The following RPL28 variants were observed in gnomAD, a reference collection of about 807,000 sequenced individuals.
RPL28 encodes ribosomal protein L28.
Under a neutral mutation model 12.5 loss-of-function variants are expected in RPL28, and 4 were observed. The ratio of observed to expected loss-of-function variants is 0.32; its 90% confidence interval spans 0.16 to 0.73. The LOEUF is 0.73. RPL28 is among the 30% of genes least tolerant of loss of function. The pLI is 0.66. For synonymous variants in RPL28, 91 were observed against 72.5 expected (o/e 1.26, Z -1.30); for missense variants, 214 against 197.7 (o/e 1.08, Z -0.49).
chr19:55,395,607 C>G (rs973092156), downstream of RPL28, among the ~76,000 whole-genome samples: 1 of 151,944 alleles, frequency 6.6e-6, no homozygotes, highest in Non-Finnish European at 1.5e-5. Context: ...CCACACCCGG[C>G]TAATTTTTTG....
chr19:55,390,461 T>A lies in RPL28; in HGVS notation c.*2129T>A, dbSNP rs2089979828. 1 of 985,422 alleles carries A rather than the reference T, an allele frequency of 1.0e-6. No individual in the cohort carries two copies. The allele number at this position is 985,422 out of a possible 1,614,324, so 61.0% of individuals were successfully genotyped here. On this transcript the variant is annotated 3_prime_UTR_variant, in exon 5 of 5. Transcript: ENST00000344063. ...TTCAAATTACCCACCTGCCTCAGCC[T>A]CCCAAAGTGCTGGCATTACAGGCGC...
At chr19:55,397,890 A>G (rs1018696966) in intron 4 of RPL28, among the ~76,000 whole-genome samples, 1 of 152,024 alleles carries the variant, frequency 6.6e-6, no homozygotes. Context: ...CCTGTGTCCT[A>G]TAGAGTCAGA....
intron 4 of RPL28, chr19:55,402,870 C>T: frequency 7.6e-7 from 1 of 1,320,114 alleles, no homozygotes. Context: ...GGCAGGAAAC[C>T]CCAATTCCCC....
chr19:55,390,192 C>T lies in RPL28; in HGVS notation c.*1860C>T. ...ATTGAATGTATAAAGCCCACCGGTC[C>T]TGAGAGTTTGCTCACTGGAGACTTT... On this transcript the variant is annotated 3_prime_UTR_variant, in exon 5 of 5. Coordinates refer to ENST00000344063, the MANE Select transcript of RPL28 (RefSeq NM_000991.5). The T allele has an allele frequency of 4.1e-6, 4 of 985,492 alleles. No individual in the cohort carries two copies. The highest frequency in any genetic ancestry group is 4.8e-6 in the Non-Finnish European group (4 of 829,990). The allele number at this position is 985,492 out of a possible 1,614,324, so 61.0% of individuals were successfully genotyped here. A position where few individuals can be genotyped will look rare whatever the true frequency, so the allele number is the denominator to read the frequency against.
At chr19:55,402,117 T>C (rs1489609354) in intron 4 of RPL28, among the ~76,000 whole-genome samples, 1 of 152,210 alleles carries the variant, frequency 6.6e-6, no homozygotes, top group Non-Finnish European at 1.5e-5. Flanking sequence ...ATTATGGTTT[T>C]GAATTTGCCT....
intron 4 of RPL28, among the ~76,000 whole-genome samples, chr19:55,398,163 C>T (rs2090035627): frequency 6.6e-6 from 1 of 152,116 alleles, no homozygotes; most frequent in Non-Finnish European, 1.5e-5. Flanking sequence ...GCCATTGCAC[C>T]CCAGGCTGGG....
At chr19:55,387,543 C>A in intron 3 of RPL28, 1 of 1,431,004 alleles carries the variant, frequency 7.0e-7, no homozygotes, top group Non-Finnish European at 9.1e-7. Context: ...GCCTCTCAGC[C>A]AAGCTGATGT....
intron 4 of RPL28, among the ~76,000 whole-genome samples, chr19:55,397,419 T>A (rs895443119): frequency 2.0e-5 from 3 of 151,700 alleles, no homozygotes; most frequent in Non-Finnish European, 4.4e-5. Flanking sequence ...TCGCTCTGTC[T>A]CCCAGGCTGG....
chr19:55,398,338 A>G (rs1205602080), intron 4 of RPL28, among the ~76,000 whole-genome samples: 1 of 152,228 alleles, frequency 6.6e-6, no homozygotes, highest in Non-Finnish European at 1.5e-5. Context: ...AACCAAACCG[A>G]AACCAAAAAG....
intron 4 of RPL28, chr19:55,399,626 A>C (rs1220124715): frequency 1.3e-5 from 2 of 152,166 alleles, no homozygotes; most frequent in African/African-American, 4.8e-5. Flanking sequence ...TGGTATTTCT[A>C]GTGACCAACC....
rs549123056 is a variant in RPL28 at position 55,391,623 on chromosome 19, A to G, written c.*3291A>G. On this transcript the variant is annotated 3_prime_UTR_variant, in exon 5 of 5. Coordinates refer to ENST00000344063, the MANE Select transcript of RPL28 (RefSeq NM_000991.5). ...TGTGCAACCTTGGGCAAGTTCCTCAACCTCTCTGTGTCTTCGTACCCTCAT... is the reference window on the plus strand; with the variant it reads ...TGTGCAACCTTGGGCAAGTTCCTCAGCCTCTCTGTGTCTTCGTACCCTCAT... The G allele has an allele frequency of 5.8e-6, 9 of 1,546,520 alleles. No homozygotes were observed. In the African/African-American group the frequency reaches 1.2e-4, roughly 21 times the overall value.
chr19:55,388,406 C>T lies in RPL28; in HGVS notation c.*74C>T. On this transcript the variant is annotated 3_prime_UTR_variant, in exon 5 of 5. Coordinates refer to ENST00000344063, the MANE Select transcript of RPL28 (RefSeq NM_000991.5). Reference sequence around the variant, plus strand: ...CGACTGGGCCTCCCTTTTTGAAACGCTCTGGGGAGCTCTGGCCCTGTGTGT... The same window carrying T: ...CGACTGGGCCTCCCTTTTTGAAACGTTCTGGGGAGCTCTGGCCCTGTGTGT... The T allele has an allele frequency of 7.1e-7, 1 of 1,415,742 alleles. No homozygotes were observed. Among genetic ancestry groups the T allele is most frequent in the Non-Finnish European group, 9.2e-7 (1 of 1,081,450 alleles). 87.7% of individuals were successfully genotyped at this position (1,415,742 alleles called of 1,614,324 possible). A position where few individuals can be genotyped will look rare whatever the true frequency, so the allele number is the denominator to read the frequency against.
intron 3 of RPL28, 150 bp downstream of exon 3, chr19:55,386,843 C>G: frequency 6.4e-7 from 1 of 1,566,000 alleles, no homozygotes; most frequent in Non-Finnish European, 8.6e-7. Flanking sequence ...GCTTCCCTCT[C>G]GGCCGACTTG....
chr19:55,397,579 A>G (rs1418808592), intron 4 of RPL28, among the ~76,000 whole-genome samples: 1 of 151,770 alleles, frequency 6.6e-6, no homozygotes, highest in Non-Finnish European at 1.5e-5. Context: ...ACAGGGTTTC[A>G]CCGTGTTAGC....
chr19:55,388,409 TG>T lies in RPL28; in HGVS notation c.*81del, dbSNP rs2089957644. Reference sequence around the variant, plus strand: ...CTGGGCCTCCCTTTTTGAAACGCTCTGGGGAGCTCTGGCCCTGTGTGTTGTC... The same window carrying T: ...CTGGGCCTCCCTTTTTGAAACGCTCTGGGAGCTCTGGCCCTGTGTGTTGTC... On this transcript the variant is annotated 3_prime_UTR_variant, in exon 5 of 5. Transcript: ENST00000344063. The T allele has an allele frequency of 4.2e-6, 6 of 1,416,214 alleles. No homozygotes were observed. The highest frequency in any genetic ancestry group is 4.6e-6 in the Non-Finnish European group (5 of 1,081,676). 87.7% of individuals were successfully genotyped at this position (1,416,214 alleles called of 1,614,324 possible).
At chr19:55,402,758 C>T (rs969273947) in intron 4 of RPL28, among the ~76,000 whole-genome samples, 13 of 152,248 alleles carry the variant, frequency 8.5e-5, no homozygotes, top group Non-Finnish European at 1.3e-4. Flanking sequence ...GCCAATGTCC[C>T]CAGCAGCCTC....
rs45603534 is a variant in RPL28, at chr19:55,390,782, G to C, written c.*2450G>C. ...GGGTTGGGGTGGAGGAACCAGGAGA[G>C]GGCTGGAGGGAGGGAGATGGTCTCA... On this transcript the variant is annotated 3_prime_UTR_variant, in exon 5 of 5. Transcript: ENST00000344063. 0.052 allele frequency: 51,612 copies of C among 985,426 alleles called. 1,402 individuals are homozygous for C. Among genetic ancestry groups the C allele is most frequent in the Middle Eastern group, 0.068 (130 of 1,914 alleles). 61.0% of individuals were successfully genotyped at this position (985,426 alleles called of 1,614,324 possible). A position where few individuals can be genotyped will look rare whatever the true frequency, so the allele number is the denominator to read the frequency against.
At chr19:55,386,533 C>G (rs1468958468) in intron 2 of RPL28, 37 bp from the exon 3 acceptor site, 2 of 1,599,240 alleles carry the variant, frequency 1.3e-6, no homozygotes, top group East Asian at 2.2e-5. Flanking sequence ...GTCTCCGGGT[C>G]CCTTATTCAC....
In RPL28 at chr19:55,391,760, C is replaced by CTA. The variant is rs57764874; in HGVS notation, c.*3429_*3430insAT. On this transcript the variant is annotated 3_prime_UTR_variant, in exon 5 of 5. Transcript: ENST00000344063. ...CCTGATTGTAGGAATAAATTAATGA[C>CTA]TTTTTATAAATATTTTGATCAGATG... is the stretch of plus-strand genomic sequence containing the variant. 9,077 of 1,485,934 alleles carry CTA rather than the reference C, an allele frequency of 6.1e-3. 515 individuals are homozygous for CTA. In the African/African-American group the frequency reaches 0.12, roughly 19 times the overall value. 92.0% of individuals were successfully genotyped at this position (1,485,934 alleles called of 1,614,324 possible). A position where few individuals can be genotyped will look rare whatever the true frequency, so the allele number is the denominator to read the frequency against.
Sources: gnomAD v4.1 joint callset for allele counts (sites outside exome capture counted in the v4.1 genomes callset) on GRCh38, gnomAD v4.1.1 for gene constraint, MANE v1.5 for transcripts, NCBI Gene and HGNC (gene_info 2026-07-23, HGNC 2026-07-21) for gene names.